MYO16: variants seen among roughly 807,000 people sequenced by gnomAD.
MYO16 encodes myosin XVI, also known as unconventional myosin-XVI.
Under a neutral mutation model 205.3 loss-of-function variants are expected in MYO16, and 94 were observed. The ratio of observed to expected loss-of-function variants is 0.46; its 90% CI spans 0.39 to 0.54. MYO16 has a LOEUF of 0.54. Among genes scored for constraint, MYO16 ranks in the 20% least tolerant of loss-of-function variants. The pLI is 0.00. For synonymous variants in MYO16, 988 were observed against 954.0 expected (o/e 1.04, Z -0.66); for missense variants, 2,315 against 2,387.5 (o/e 0.97, Z 0.63).
At chr13:109,075,092 T>C (rs1888048790) in intron 27 of MYO16, among the ~76,000 whole-genome samples, 1 of 152,198 alleles carries the variant, frequency 6.6e-6, no homozygotes. Flanking sequence ...TACACACCCA[T>C]TGATAGATAT....
chr13:109,166,231 G>A lies in MYO16; in HGVS notation c.5323+1172G>A, dbSNP rs151118534. Among the ~76,000 whole-genome samples, 220 of 152,178 alleles carry A rather than the reference G, an allele frequency of 1.4e-3. 2 individuals carry two copies. The East Asian group carries it at 0.018, about 13-fold the overall frequency. ...TCAGCCCCCCACGAAATAAAACAACGAGAATTTCAGCAGAAATAGGAAACT... is the reference window on the plus strand; with the variant it reads ...TCAGCCCCCCACGAAATAAAACAACAAGAATTTCAGCAGAAATAGGAAACT... On this transcript the variant is annotated intron_variant, in intron 33 of 34. Transcript: ENST00000457511.
At chr13:109,101,962 G>A (rs1481273538) in intron 28 of MYO16, 1 of 152,042 alleles carries the variant, frequency 6.6e-6, no homozygotes, top group East Asian at 1.9e-4. Flanking sequence ...AAACAGGGAG[G>A]GAAGACTGGA....
At chr13:108,809,407 A>G (rs937941542) in intron 7 of MYO16, among the ~76,000 whole-genome samples, 1 of 152,148 alleles carries the variant, frequency 6.6e-6, no homozygotes, top group Non-Finnish European at 1.5e-5. Flanking sequence ...AGCAGGTTTA[A>G]TTGGCTCACA....
intron 10 of MYO16, among the ~76,000 whole-genome samples, chr13:108,845,879 AT>A (rs36012072): frequency 0.49 from 72,261 of 148,758 alleles, 18,069 homozygotes; most frequent in Middle Eastern, 0.58. Context: ...ATTCTCTGCC[AT>A]TTTTTTTTTT....
At chr13:108,826,787 AT>A (rs1876294144) in intron 9 of MYO16, among the ~76,000 whole-genome samples, 1 of 152,160 alleles carries the variant, frequency 6.6e-6, no homozygotes, top group Admixed American at 6.6e-5. Flanking sequence ...AATACTCTAC[AT>A]TATTTATCAG....
chr13:108,900,024 C>T (rs1306749197), intron 15 of MYO16, among the ~76,000 whole-genome samples: 1 of 152,206 alleles, frequency 6.6e-6, no homozygotes, highest in African/African-American at 2.4e-5. Flanking sequence ...AGGAGAAGCT[C>T]ATCTGGGGTG....
chr13:109,034,158 A>T (rs1231034945), intron 23 of MYO16, among the ~76,000 whole-genome samples: 1 of 151,950 alleles, frequency 6.6e-6, no homozygotes, highest in Admixed American at 6.5e-5. Context: ...ATAGATACAG[A>T]CATATAAGTT....
intron 1 of MYO16, among the ~76,000 whole-genome samples, chr13:108,633,937 A>C (rs927999463): frequency 6.6e-6 from 1 of 152,030 alleles, no homozygotes; most frequent in African/African-American, 2.4e-5. Flanking sequence ...CAGCGCCCAT[A>C]GTCCATTGCT....
intron 32 of MYO16, among the ~76,000 whole-genome samples, chr13:109,148,201 C>T (rs1037139512): frequency 1.3e-5 from 2 of 152,138 alleles, no homozygotes; most frequent in African/African-American, 4.8e-5. Context: ...CCAAATTTAT[C>T]TATGTTAAGA....
At position 108,797,773 on chromosome 13, in the gene MYO16, A is replaced by G. The variant is rs112995775; in HGVS notation, c.741+4133A>G. On this transcript the variant is annotated intron_variant, in intron 6 of 34. Transcript: ENST00000457511. ...CCTTTGTTTCTTTGTATGGTAGAAT[A>G]TATTACAACTTCATAGTTCTTTAAA... is the stretch of plus-strand genomic sequence containing the variant. Among the ~76,000 whole-genome samples, 1,241 of 152,352 alleles carry G rather than the reference A, an allele frequency of 8.1e-3. 22 individuals carry two copies. The highest frequency in any genetic ancestry group is 0.028 in the African/African-American group (1,162 of 41,582).
intron 11 of MYO16, among the ~76,000 whole-genome samples, chr13:108,864,223 T>C (rs1344495035): frequency 6.6e-6 from 1 of 152,192 alleles, no homozygotes; most frequent in Non-Finnish European, 1.5e-5. Context: ...CTCCTTGAAG[T>C]TGATACTTAG....
chr13:108,728,785 G>A lies in MYO16; in HGVS notation c.507+1202G>A, dbSNP rs560023825. Among the ~76,000 whole-genome samples the A allele has an allele frequency of 7.5e-5, 11 of 146,946 alleles. No homozygotes were observed. The East Asian group carries it at 1.4e-3, about 19-fold the overall frequency. ...AAAGACCTTATTCCCCAATAAGATC[G>A]CATCTACACTACTAGGGAGCATAGC... On this transcript the variant is annotated intron_variant, in intron 4 of 34. Coordinates refer to ENST00000457511, the MANE Select transcript of MYO16 (RefSeq NM_001198950.3).
the MYO16 span, among the ~76,000 whole-genome samples, chr13:108,563,888 T>C: frequency 6.6e-6 from 1 of 152,152 alleles, no homozygotes; most frequent in Non-Finnish European, 1.5e-5. Flanking sequence ...CATATGGTAG[T>C]TCTACTTTTA....
chr13:109,144,081 C>A (rs1877222042), intron 32 of MYO16, among the ~76,000 whole-genome samples: 1 of 146,812 alleles, frequency 6.8e-6, no homozygotes, highest in African/African-American at 2.5e-5. Context: ...ATGGCACAAT[C>A]TTGGCTGACT....
At chr13:108,626,468 C>T (rs183197142), upstream of MYO16, among the ~76,000 whole-genome samples, 1 of 152,168 alleles carries the variant, frequency 6.6e-6, no homozygotes, top group Admixed American at 6.5e-5. Flanking sequence ...TTAATTTAGC[C>T]TTGGTCATTT....
At chr13:108,861,081 G>A (rs774783268) in intron 11 of MYO16, among the ~76,000 whole-genome samples, 14 of 151,880 alleles carry the variant, frequency 9.2e-5, no homozygotes, top group Non-Finnish European at 1.5e-4. Flanking sequence ...ATTAAATAAC[G>A]ACAAACAAAC....
At chr13:108,688,644 C>T (rs368593183) in intron 2 of MYO16, among the ~76,000 whole-genome samples, 1 of 152,032 alleles carries the variant, frequency 6.6e-6, no homozygotes. Flanking sequence ...CCAAAGTAGG[C>T]GTTAATTTAG....
intron 5 of MYO16, among the ~76,000 whole-genome samples, chr13:108,788,113 G>T (rs1225031761): frequency 6.6e-6 from 1 of 152,156 alleles, no homozygotes; most frequent in Non-Finnish European, 1.5e-5. Flanking sequence ...TGCAATCTTA[G>T]AATTTTCATT....
rs1876217781 is a variant in MYO16, at chr13:109,125,760, A to C, written c.3782+402A>C. Among the ~76,000 whole-genome samples the C allele has an allele frequency of 6.6e-6, 1 of 152,244 alleles. No homozygotes were observed. The highest frequency in any genetic ancestry group is 1.5e-5 in the Non-Finnish European group (1 of 68,040). On this transcript the variant is annotated intron_variant, in intron 30 of 34. Transcript: ENST00000457511. The surrounding 1 kb of genome is among the most constrained non-coding windows in gnomAD (Gnocchi z 4.0). Reference sequence around the variant, plus strand: ...AACTTCTGGAAATCTGACCCAAAAAATGGAGATACCACTCTGAAAACATGG... The same window carrying C: ...AACTTCTGGAAATCTGACCCAAAAACTGGAGATACCACTCTGAAAACATGG...
Sources: allele counts gnomAD v4.1 joint callset (sites outside exome capture counted in the v4.1 genomes callset), GRCh38; gene constraint gnomAD v4.1.1; non-coding constraint Gnocchi (gnomAD v3.1); transcripts MANE v1.5; gene names NCBI Gene and HGNC (gene_info 2026-07-23, HGNC 2026-07-21).